The following VPS13C variants were observed in gnomAD, a reference collection of about 807,000 sequenced individuals.
The protein encoded by VPS13C is vacuolar protein sorting 13 homolog C.
Under a neutral mutation model 456.8 loss-of-function variants are expected in VPS13C, and 358 were observed. The ratio of observed to expected loss-of-function variants is 0.78; its 90% confidence interval spans 0.72 to 0.86. The LOEUF is 0.86. VPS13C is among the 40% of genes least tolerant of loss of function. The pLI, the probability that VPS13C is intolerant of heterozygous loss-of-function variation, is 0.00. For synonymous variants in VPS13C, 1,578 were observed against 1,486.7 expected (o/e 1.06, Z -1.41); for missense variants, 4,818 against 4,385.4 (o/e 1.10, Z -2.79).
chr15:62,035,881 G>C (rs2047980023), intron 3 of VPS13C, among the ~76,000 whole-genome samples: 1 of 151,958 alleles, frequency 6.6e-6, no homozygotes, highest in Admixed American at 6.6e-5. Flanking sequence ...CCAATTTTGG[G>C]GTTTTATGGG....
intron 73 of VPS13C, among the ~76,000 whole-genome samples, chr15:61,879,140 G>C (rs776148158): frequency 6.6e-6 from 1 of 152,048 alleles, no homozygotes; most frequent in African/African-American, 2.4e-5. Context: ...AAGTTAGCAA[G>C]CTGTCAAGTT....
rs760526700 is a variant in VPS13C at position 61,922,604 on chromosome 15, C to T, written c.6768G>A (p.Thr2256=). 17 of 1,613,818 alleles carry T rather than the reference C, an allele frequency of 1.1e-5. No individual in the cohort carries two copies. The highest frequency in any genetic ancestry group is 5.5e-5 in the South Asian group (5 of 91,062). The change falls in exon 54 of 85, where the codon ACG becomes ACA. Residue 2256 remains threonine (T), a synonymous_variant. Coordinates refer to ENST00000644861, the MANE Select transcript of VPS13C (RefSeq NM_020821.3). ...DYNTWFLGVD[T]ATEITESFKG... The stretch of plus-strand genomic sequence containing the variant: ...TGAAGCTTTCCGTTATTTCTGTTGC[C>T]GTGTCAACACCAAGAAACCAAGTGT...
At position 61,907,358 on chromosome 15, in the gene VPS13C, C is replaced by T. The variant is rs1240599058; in HGVS notation, c.9011G>A (p.Arg3004Lys). 6.2e-7 allele frequency: 1 copy of T among 1,613,896 alleles called. No homozygotes were observed. The highest frequency in any genetic ancestry group is 1.3e-5 in the African/African-American group (1 of 74,936). ...GSPEEMVLLP[R>K]QARLFAWADP... is the part of the protein sequence containing the mutation. The stretch of plus-strand genomic sequence containing the variant: ...TGCCCAGGCAAAAAGTCGAGCCTGT[C>T]TTGGCAGCAAGACCATTTCTTCTGG... Residue 3004 changes from arginine (R) to lysine (K), a missense_variant, in exon 66 of 85, where the codon AGA becomes AAA. Around this residue, in one of 3 missense-constraint regions of VPS13C, gnomAD observed 4,552 missense variants for 4,130.6 expected, o/e 1.10. Transcript: ENST00000644861.
chr15:61,932,142 G>C (rs1246754485), intron 49 of VPS13C, among the ~76,000 whole-genome samples: 5 of 152,140 alleles, frequency 3.3e-5, no homozygotes, highest in African/African-American at 1.2e-4. Context: ...TTAGTGGTTA[G>C]GTAAAGAGTA....
chr15:61,991,167 T>A, intron 17 of VPS13C, 73 bp from the exon 18 acceptor site: 1 of 1,144,310 alleles, frequency 8.7e-7, no homozygotes, highest in Non-Finnish European at 1.3e-6. Context: ...CTAACCAAAC[T>A]AACAAGTATC....
At chr15:61,901,783 A>C (rs2043005525) in intron 66 of VPS13C, among the ~76,000 whole-genome samples, 1 of 152,202 alleles carries the variant, frequency 6.6e-6, no homozygotes, top group East Asian at 1.9e-4. Flanking sequence ...AAGGACTATA[A>C]ATCATGCTGC....
chr15:62,008,561 G>C (rs1228452527), intron 14 of VPS13C, 94 bp downstream of exon 14: 1 of 690,270 alleles, frequency 1.4e-6, no homozygotes, highest in Non-Finnish European at 2.2e-6. Flanking sequence ...TAAAGTGGCT[G>C]AATTACTTGG....
chr15:62,023,856 G>A lies in VPS13C; in HGVS notation c.449-11C>T, dbSNP rs530018735. 4.4e-5 allele frequency: 70 copies of A among 1,606,012 alleles called. No individual in the cohort carries two copies. The South Asian group carries it at 7.1e-4, about 16-fold the overall frequency. On this transcript the variant is annotated splice_polypyrimidine_tract_variant and intron_variant, in intron 6 of 84. Transcript: ENST00000644861. ...TTTTACGTTTACGTCCTTCACAGTGGAAGCATTTTAGTGAGAAAAGGATAA... is the reference window on the plus strand; with the variant it reads ...TTTTACGTTTACGTCCTTCACAGTGAAAGCATTTTAGTGAGAAAAGGATAA...
chr15:61,889,395 G>A (rs1268726984), intron 67 of VPS13C, among the ~76,000 whole-genome samples: 1 of 151,928 alleles, frequency 6.6e-6, no homozygotes, highest in African/African-American at 2.4e-5. Flanking sequence ...GTTGTGCAAA[G>A]TTCATTACAT....
In VPS13C at chr15:61,977,140, T is replaced by A. The variant is rs1438093721; in HGVS notation, c.2350A>T (p.Met784Leu). The change falls in exon 24 of 85, where the codon ATG becomes TTG. Residue 784 changes from methionine (M) to leucine (L), a missense_variant. Met to Leu is a conservative substitution (Grantham distance 15). This residue lies in a region of VPS13C where 4,552 missense variants were observed against 4,130.6 expected (regional missense o/e 1.10). Transcript: ENST00000644861. Reference sequence around the variant, plus strand: ...TTAGCCAACTCAACATGAATATCCATGGGTTGCAATATATGCATAGTTGAT... The same window carrying A: ...TTAGCCAACTCAACATGAATATCCAAGGGTTGCAATATATGCATAGTTGAT... ...HPSTMHILQP[M>L]DIHVELAKAM... 2 of 1,599,306 alleles carry A rather than the reference T, an allele frequency of 1.3e-6. No homozygotes were observed. The highest frequency in any genetic ancestry group is 1.7e-6 in the Non-Finnish European group (2 of 1,173,608).
chr15:61,885,782 G>C (rs1896218983), intron 67 of VPS13C, among the ~76,000 whole-genome samples: 1 of 151,946 alleles, frequency 6.6e-6, no homozygotes, highest in Admixed American at 6.6e-5. Context: ...CTATCTTCAG[G>C]TTGTACTGAA....
chr15:61,945,845 T>C lies in VPS13C; in HGVS notation c.5018A>G (p.Gln1673Arg). ...SILGDEVFRF[Q>R]LTLYPDATEG... The stretch of plus-strand genomic sequence containing the variant: ...TGTGGCATCTGGATAAAGAGTCAGT[T>C]GGAACCTAAAGACTTCATCTCCCAA... The change falls in exon 45 of 85, where the codon CAA becomes CGA. Residue 1673 changes from glutamine (Q) to arginine (R), a missense_variant. Physicochemically the swap from Gln to Arg is conservative, Grantham distance 43. This residue lies in a region of VPS13C where 4,552 missense variants were observed against 4,130.6 expected (regional missense o/e 1.10). Transcript: ENST00000644861. 6.2e-7 allele frequency: 1 copy of C among 1,612,140 alleles called. No individual in the cohort carries two copies. The highest frequency in any genetic ancestry group is 2.2e-5 in the East Asian group (1 of 44,810).
chr15:61,951,010 G>T lies in VPS13C; in HGVS notation c.4471C>A (p.Pro1491Thr), dbSNP rs747007398. Residue 1491 changes from proline (P) to threonine (T), a missense_variant, in exon 40 of 85, where the codon CCT (proline) becomes ACT (threonine). Pro to Thr is a conservative substitution (Grantham distance 38). Transcript: ENST00000644861. ...CFDFTDSKGE[P>T]LHIINSSNVT... is the part of the protein sequence containing the mutation. ...TTAGAAGAGTTAATAATGTGAAGAG[G>T]TTCCCCTTTAGAGTCTAAAAGAGAA... 2.5e-6 allele frequency: 4 copies of T among 1,597,910 alleles called. No individual in the cohort carries two copies. The highest frequency in any genetic ancestry group is 3.4e-6 in the Non-Finnish European group (4 of 1,172,830).
At chr15:61,916,893 A>G (rs1046451787) in intron 60 of VPS13C, among the ~76,000 whole-genome samples, 1 of 152,078 alleles carries the variant, frequency 6.6e-6, no homozygotes, top group African/African-American at 2.4e-5. Context: ...ATTTTTTCCT[A>G]TCTTTTAGTT....
At chr15:61,992,101 T>A (rs750815317) in intron 16 of VPS13C, among the ~76,000 whole-genome samples, 7 of 152,150 alleles carry the variant, frequency 4.6e-5, no homozygotes, top group Non-Finnish European at 7.3e-5. Flanking sequence ...TTCTTCCAAA[T>A]TTTTAAGTTA....
At chr15:62,008,160 G>A (rs2046915548) in intron 14 of VPS13C, among the ~76,000 whole-genome samples, 1 of 152,086 alleles carries the variant, frequency 6.6e-6, no homozygotes, top group South Asian at 2.1e-4. Flanking sequence ...GAACCCAGGA[G>A]GTGGAGGTTG....
At chr15:62,012,938 A>T in intron 11 of VPS13C, 101 bp downstream of exon 11, 1 of 651,704 alleles carries the variant, frequency 1.5e-6, no homozygotes, top group Non-Finnish European at 2.5e-6. Context: ...AATACAAGTT[A>T]AACAAATGGC....
intron 45 of VPS13C, among the ~76,000 whole-genome samples, chr15:61,942,299 T>C (rs1316398612): frequency 6.6e-6 from 1 of 151,550 alleles, no homozygotes; most frequent in African/African-American, 2.4e-5. Context: ...TTTCATTTTA[T>C]AAAATATTTT....
At chr15:61,943,356 G>C (rs766104860) in intron 45 of VPS13C, among the ~76,000 whole-genome samples, 6 of 152,062 alleles carry the variant, frequency 3.9e-5, no homozygotes, top group African/African-American at 7.2e-5. Flanking sequence ...CACATTACCT[G>C]ACTTTATACT....
Sources: gnomAD v4.1 joint callset for allele counts (sites outside exome capture counted in the v4.1 genomes callset) on GRCh38, gnomAD v4.1.1 for gene constraint, gnomAD v4.1.1 regional missense constraint, MANE v1.5 for transcripts, NCBI Gene and HGNC (gene_info 2026-07-23, HGNC 2026-07-21) for gene names.